The following MYLIP variants were observed in gnomAD, a reference collection of about 807,000 sequenced individuals.
MYLIP encodes myosin regulatory light chain interacting protein.
A neutral mutation model predicts 45.8 loss-of-function variants in MYLIP; 26 were observed. That is an observed-to-expected ratio of 0.57 (90% CI 0.42 to 0.79). The LOEUF (loss-of-function observed/expected upper bound fraction) is 0.79, where lower values mean the gene tolerates loss of function less well. Among genes scored for constraint, MYLIP ranks in the 30% least tolerant of loss-of-function variants. The pLI is 0.00. For synonymous variants in MYLIP, 213 were observed against 218.1 expected (o/e 0.98, Z 0.21); for missense variants, 494 against 555.6 (o/e 0.89, Z 1.11).
chr6:16,157,888 C>T, the MYLIP span, among the ~76,000 whole-genome samples: 3 of 152,192 alleles, frequency 2.0e-5, no homozygotes, highest in Non-Finnish European at 4.4e-5. Context: ...AAACAAAAAG[C>T]TGTTGGGCAA....
the MYLIP span, among the ~76,000 whole-genome samples, chr6:16,155,089 T>C: frequency 6.6e-6 from 1 of 152,090 alleles, no homozygotes; most frequent in Non-Finnish European, 1.5e-5. Context: ...CAGCTTTGAA[T>C]TTCCACCACT....
In MYLIP at chr6:16,129,531, G is replaced by A. The variant is rs182207557; in HGVS notation, c.87+122G>A. On this transcript the variant is annotated intron_variant, in intron 1 of 6. Transcript: ENST00000356840. The surrounding 1 kb of genome is among the most constrained non-coding windows in gnomAD (Gnocchi z 5.1). Reference sequence around the variant, plus strand: ...CCGGGAGGCACTGCGGCGGCAGCCGGGGGGAGCGCGTCCCCTCCTCTCCAC... The same window carrying A: ...CCGGGAGGCACTGCGGCGGCAGCCGAGGGGAGCGCGTCCCCTCCTCTCCAC... The A allele has an allele frequency of 7.5e-6, 7 of 931,420 alleles. No homozygotes were observed. The highest frequency in any genetic ancestry group is 1.1e-5 in the Non-Finnish European group (7 of 639,124). 57.7% of individuals were successfully genotyped at this position (931,420 alleles called of 1,614,324 possible).
chr6:16,152,623 T>A (rs1759891338), downstream of MYLIP, among the ~76,000 whole-genome samples: 1 of 152,244 alleles, frequency 6.6e-6, no homozygotes, highest in Non-Finnish European at 1.5e-5. Flanking sequence ...GATGTAGTTC[T>A]TGCCTGCTCT....
Position 16,146,846 on chromosome 6 carries a change from C to T in MYLIP, c.*95C>T. On this transcript the variant is annotated 3_prime_UTR_variant, in exon 7 of 7. Transcript: ENST00000356840. The stretch of plus-strand genomic sequence containing the variant: ...ATTGTGGAGAAAGTAATTATTCCAA[C>T]ACCCATCTGCCATGCGATGTTAAAA... 1 of 994,768 alleles carries T rather than the reference C, an allele frequency of 1.0e-6. No homozygotes were observed. Among genetic ancestry groups the T allele is most frequent in the South Asian group, 1.6e-5 (1 of 62,234 alleles). 61.6% of individuals were successfully genotyped at this position (994,768 alleles called of 1,614,324 possible). A position where few individuals can be genotyped will look rare whatever the true frequency, so the allele number is the denominator to read the frequency against.
chr6:16,136,653 G>T (rs555595287), intron 2 of MYLIP, among the ~76,000 whole-genome samples: 1 of 152,010 alleles, frequency 6.6e-6, no homozygotes, highest in African/African-American at 2.4e-5. Flanking sequence ...ACTAACTGCC[G>T]GACCTTTTCC....
At chr6:16,155,190 C>T in the MYLIP span, among the ~76,000 whole-genome samples, 1 of 152,198 alleles carries the variant, frequency 6.6e-6, no homozygotes, top group South Asian at 2.1e-4. Flanking sequence ...GTGCAGCGGA[C>T]CCCCAAGGGC....
the MYLIP span, among the ~76,000 whole-genome samples, chr6:16,153,493 A>G: frequency 0.035 from 5,288 of 152,316 alleles, 302 homozygotes; most frequent in African/African-American, 0.12. Flanking sequence ...ATTATCTGAG[A>G]TAGGCTTCTT....
At chr6:16,131,113 G>A (rs183951201) in intron 2 of MYLIP, among the ~76,000 whole-genome samples, 3 of 150,958 alleles carry the variant, frequency 2.0e-5, no homozygotes, top group African/African-American at 7.3e-5. Flanking sequence ...AGTAACCTCT[G>A]CCTCAGCAGT....
chr6:16,139,100 C>T (rs1759612236), intron 2 of MYLIP, among the ~76,000 whole-genome samples: 1 of 152,188 alleles, frequency 6.6e-6, no homozygotes, highest in South Asian at 2.1e-4. Context: ...AGGAACTAGT[C>T]TCTAACTTTA....
At chr6:16,150,166 A>C (rs1406861538), downstream of MYLIP, among the ~76,000 whole-genome samples, 1 of 152,214 alleles carries the variant, frequency 6.6e-6, no homozygotes, top group Non-Finnish European at 1.5e-5. Context: ...CAGCGAGACT[A>C]TGAAGGTATT....
chr6:16,145,261 A>G lies in MYLIP; in HGVS notation c.1192A>G (p.Thr398Ala). Reference sequence around the variant, plus strand: ...GTGCTGCGAGGAGGAGATCAACTCCACCTTCTGTCCCTGTGGCCACACTGT... The same window carrying G: ...GTGCTGCGAGGAGGAGATCAACTCCGCCTTCTGTCCCTGTGGCCACACTGT... ...MVCCEEEINSTFCPCGHTVCC... is the reference protein window; with the variant it reads ...MVCCEEEINSAFCPCGHTVCC... The change falls in exon 6 of 7, where the codon ACC becomes GCC. Residue 398 changes from threonine to alanine, a missense_variant. By Grantham distance (58) the Thr-to-Ala change is moderately conservative (BLOSUM62 0). Coordinates refer to ENST00000356840, the MANE Select transcript of MYLIP (RefSeq NM_013262.4). The G allele has an allele frequency of 1.9e-6, 3 of 1,611,562 alleles. No individual in the cohort carries two copies. The highest frequency in any genetic ancestry group is 2.5e-6 in the Non-Finnish European group (3 of 1,178,150).
At chr6:16,161,841 A>G in the MYLIP span, among the ~76,000 whole-genome samples, 10 of 152,348 alleles carry the variant, frequency 6.6e-5, no homozygotes, top group African/African-American at 2.2e-4. Flanking sequence ...TAAAAATGAG[A>G]AGGCTTTCAA....
At chr6:16,137,423 C>A (rs571233376) in intron 2 of MYLIP, among the ~76,000 whole-genome samples, 2 of 152,218 alleles carry the variant, frequency 1.3e-5, no homozygotes, top group Non-Finnish European at 2.9e-5. Context: ...AGGAGAAATA[C>A]AATTCAATTA....
At chr6:16,151,226 G>A (rs1218991517), downstream of MYLIP, among the ~76,000 whole-genome samples, 3 of 151,754 alleles carry the variant, frequency 2.0e-5, no homozygotes, top group Non-Finnish European at 2.9e-5. Flanking sequence ...GCACGGTAGC[G>A]GGTGCCTGCA....
At chr6:16,154,375 T>G in the MYLIP span, among the ~76,000 whole-genome samples, 1 of 152,170 alleles carries the variant, frequency 6.6e-6, no homozygotes, top group Non-Finnish European at 1.5e-5. Context: ...TCTAAAGGCT[T>G]GATGGGAATT....
chr6:16,146,700 G>T lies in MYLIP; in HGVS notation c.1287G>T (p.Gln429His). The T allele has an allele frequency of 6.2e-7, 1 of 1,612,000 alleles. No homozygotes were observed. The highest frequency in any genetic ancestry group is 8.5e-7 in the Non-Finnish European group (1 of 1,178,884). ...PVCRSRVEHV[Q>H]HVYLPTHTSL... is the part of the protein sequence containing the mutation. ...GCAGGTCGCGTGTGGAGCATGTCCAGCACGTCTATCTGCCAACGCACACCA... is the reference window on the plus strand; with the variant it reads ...GCAGGTCGCGTGTGGAGCATGTCCATCACGTCTATCTGCCAACGCACACCA... Residue 429 changes from glutamine (Q) to histidine (H), a missense_variant, in exon 7 of 7, where the codon CAG becomes CAT. Transcript: ENST00000356840.
At chr6:16,135,748 C>CATATATATATAT (rs765116596) in intron 2 of MYLIP, among the ~76,000 whole-genome samples, 2,876 of 112,550 alleles carry the variant, frequency 0.026, 82 homozygotes, top group East Asian at 0.051. Context: ...TGTGTGTATA[C>CATATATATATAT]ATATATCTAT....
chr6:16,143,970 C>A, intron 5 of MYLIP, 107 bp downstream of exon 5: 1 of 1,265,402 alleles, frequency 7.9e-7, no homozygotes, highest in Non-Finnish European at 1.1e-6. Context: ...GAGTCTAGTA[C>A]AGAATTTAAG....
At chr6:16,137,553 G>T (rs1043198397) in intron 2 of MYLIP, among the ~76,000 whole-genome samples, 1 of 152,276 alleles carries the variant, frequency 6.6e-6, no homozygotes, top group South Asian at 2.1e-4. Context: ...GTCATTAAAA[G>T]CTCTTAAAAA....
Sources: gnomAD v4.1 joint callset for allele counts (sites outside exome capture counted in the v4.1 genomes callset) on GRCh38, gnomAD v4.1.1 for gene constraint, Gnocchi (gnomAD v3.1) non-coding constraint, MANE v1.5 for transcripts, NCBI Gene and HGNC (gene_info 2026-07-23, HGNC 2026-07-21) for gene names.